Variants in PDZD2 observed in about 807,000 individuals in gnomAD.
PDZD2 encodes the protein PDZ domain-containing protein 2.
Under a neutral mutation model 220.7 loss-of-function variants are expected in PDZD2, and 90 were observed. That is an observed-to-expected ratio of 0.41 (90% CI 0.34 to 0.49). The LOEUF is 0.49. Ranked by LOEUF, PDZD2 falls within the 20% of genes least tolerant of loss-of-function variation. PDZD2 has a pLI of 0.28. For synonymous variants in PDZD2, 1,375 were observed against 1,450.5 expected, an observed-to-expected ratio of 0.95 and a Z score of 1.18; for missense variants, 3,174 against 3,608.5, an observed-to-expected ratio of 0.88 and a Z score of 3.08.
rs1424082576 is a variant in PDZD2, at chr5:32,105,624, A to G, written c.8354-2345A>G. 2.6e-5 allele frequency among the ~76,000 whole-genome samples: 4 copies of G among 152,256 alleles called. No homozygotes were observed. The East Asian group carries it at 7.7e-4, about 29-fold the overall frequency. On this transcript the variant is annotated intron_variant, in intron 24 of 24. Transcript: ENST00000438447. The stretch of plus-strand genomic sequence containing the variant: ...TGGGACCGGCTCAAAAACAGTGTTG[A>G]ATGAAAAAAAGCCAAATGCAGATTG...
chr5:31,985,762 C>A (rs532336938), intron 3 of PDZD2, among the ~76,000 whole-genome samples: 7 of 152,082 alleles, frequency 4.6e-5, no homozygotes, highest in African/African-American at 1.2e-4. Flanking sequence ...CGTAATAATA[C>A]TATTAATAAT....
chr5:31,886,636 G>GTGACTGTTACAGGTCTGTTACAA (rs1305130521), intron 2 of PDZD2, among the ~76,000 whole-genome samples: 190 of 152,218 alleles, frequency 1.2e-3, no homozygotes, highest in African/African-American at 4.1e-3. Context: ...GGAGGACCCA[G>GTGACTGTTACAGGTCTGTTACAA]TGACTGTTAC....
At chr5:32,086,909 G>A (rs1053558478) in intron 19 of PDZD2, among the ~76,000 whole-genome samples, 11 of 138,086 alleles carry the variant, frequency 8.0e-5, no homozygotes, top group African/African-American at 1.4e-4. Flanking sequence ...GGCTGGTCTC[G>A]AACTCCTGAC....
chr5:31,915,702 C>A (rs1171941963), intron 2 of PDZD2, among the ~76,000 whole-genome samples: 1 of 151,970 alleles, frequency 6.6e-6, no homozygotes, highest in South Asian at 2.1e-4. Context: ...CTTAACTCTT[C>A]GTAGAGACAA....
At chr5:31,888,487 C>G (rs542694588) in intron 2 of PDZD2, among the ~76,000 whole-genome samples, 1 of 152,182 alleles carries the variant, frequency 6.6e-6, no homozygotes, top group Non-Finnish European at 1.5e-5. Flanking sequence ...CCACCGCACC[C>G]GGCCCCATTG....
chr5:32,042,284 G>A (rs1287941684), intron 7 of PDZD2, among the ~76,000 whole-genome samples: 19 of 151,014 alleles, frequency 1.3e-4, no homozygotes, highest in Admixed American at 3.3e-4. Context: ...ACATCTGGCC[G>A]GGCATGGTGG....
At chr5:31,859,264 G>A (rs1737458405) in intron 2 of PDZD2, among the ~76,000 whole-genome samples, 1 of 152,132 alleles carries the variant, frequency 6.6e-6, no homozygotes, top group Non-Finnish European at 1.5e-5. Context: ...CTGGCTCTGT[G>A]TCAATTAAAC....
chr5:31,920,390 GCCC>G (rs55722800), intron 2 of PDZD2, among the ~76,000 whole-genome samples: 23,596 of 149,242 alleles, frequency 0.16, 2,017 homozygotes, highest in South Asian at 0.3. Flanking sequence ...CATGATCAAC[GCCC>G]CCCCCCCCCA....
In PDZD2 at chr5:32,087,347, C is replaced by G. The variant is rs751293522; in HGVS notation, c.3899C>G (p.Pro1300Arg). ...PSPGEKAAAP[P>R]DYSKTRSASE... The stretch of plus-strand genomic sequence containing the variant: ...CCGGGGGAGAAAGCAGCGGCTCCCC[C>G]TGACTACAGCAAGACTCGATCAGCA... The change falls in exon 20 of 25, where the codon CCT becomes CGT. Residue 1300 changes from proline to arginine, a missense_variant. Transcript: ENST00000438447. The surrounding 1 kb of genome is among the most constrained non-coding windows in gnomAD (Gnocchi z 4.0). The G allele has an allele frequency of 6.2e-7, 1 of 1,614,136 alleles. No individual in the cohort carries two copies. Among genetic ancestry groups the G allele is most frequent in the East Asian group, 2.2e-5 (1 of 44,870 alleles).
intron 2 of PDZD2, among the ~76,000 whole-genome samples, chr5:31,849,893 T>TATATATATACATATATATATATACAC (rs1757831013): frequency 3.5e-5 from 1 of 28,570 alleles, no homozygotes; most frequent in Non-Finnish European, 5.5e-5. Flanking sequence ...TATATACACA[T>TATATATATACATATATATATATACAC]ATATATATAT....
In PDZD2 at chr5:31,821,395, T is replaced by TAC. The variant is rs1160948619; in HGVS notation, c.476+21671_476+21672insAC. Among the ~76,000 whole-genome samples the TAC allele has an allele frequency of 1.7e-3, 248 of 146,684 alleles. 1 individual carries two copies. Among genetic ancestry groups the TAC allele is most frequent in the African/African-American group, 6.0e-3 (243 of 40,250 alleles). On this transcript the variant is annotated intron_variant, in intron 2 of 24. Transcript: ENST00000438447. ...TTTGAGTTATTATTATTATTTTTTT[T>TAC]TTTTGAGATGGAGTCTCACTCTGTC...
At chr5:31,866,366 G>T (rs1472727491) in intron 2 of PDZD2, among the ~76,000 whole-genome samples, 1 of 152,152 alleles carries the variant, frequency 6.6e-6, no homozygotes, top group Non-Finnish European at 1.5e-5. Context: ...TTTCCTGTTA[G>T]TGCTGTTGGC....
chr5:31,926,864 A>G (rs1744827364), intron 2 of PDZD2, among the ~76,000 whole-genome samples: 1 of 152,366 alleles, frequency 6.6e-6, no homozygotes, highest in Non-Finnish European at 1.5e-5. Context: ...TGATATATAT[A>G]TACACCATGA....
chr5:31,935,650 AT>A (rs1745658064), intron 2 of PDZD2, among the ~76,000 whole-genome samples: 1 of 152,248 alleles, frequency 6.6e-6, no homozygotes, highest in African/African-American at 2.4e-5. Context: ...TTAAAAAAAA[AT>A]CTGGCCCTTT....
intron 2 of PDZD2, among the ~76,000 whole-genome samples, chr5:31,854,268 A>C (rs1758232311): frequency 6.6e-6 from 1 of 152,158 alleles, no homozygotes; most frequent in African/African-American, 2.4e-5. Context: ...TTGCAGCTGG[A>C]GCGATGGCTG....
chr5:32,079,683 C>T (rs245151), intron 19 of PDZD2, among the ~76,000 whole-genome samples: 15,305 of 151,652 alleles, frequency 0.1, 1,012 homozygotes, highest in South Asian at 0.34. Context: ...TGTTGGCGGG[C>T]GCCTGTAATC....
chr5:31,767,401 A>G (rs1412371099), intron 1 of PDZD2, among the ~76,000 whole-genome samples: 1 of 152,224 alleles, frequency 6.6e-6, no homozygotes, highest in Non-Finnish European at 1.5e-5. Flanking sequence ...GAAGAAGACC[A>G]TGTGGTAGAC....
At chr5:31,647,090 G>A (rs1053384880) in intron 1 of PDZD2, among the ~76,000 whole-genome samples, 3 of 152,110 alleles carry the variant, frequency 2.0e-5, no homozygotes, top group Non-Finnish European at 2.9e-5. Context: ...GATGCACACG[G>A]CCCCTGAGCA....
intron 24 of PDZD2, among the ~76,000 whole-genome samples, chr5:32,107,674 A>G (rs2111762362): frequency 6.6e-6 from 1 of 152,324 alleles, no homozygotes; most frequent in Admixed American, 6.5e-5. Flanking sequence ...GTAGCTCTTT[A>G]GTCTGGATGT....
Sources: gnomAD v4.1 joint callset for allele counts (sites outside exome capture counted in the v4.1 genomes callset) on GRCh38, gnomAD v4.1.1 for gene constraint, Gnocchi (gnomAD v3.1) non-coding constraint, MANE v1.5 for transcripts, NCBI Gene and HGNC (gene_info 2026-07-23, HGNC 2026-07-21) for gene names.